Variants in CTXND1 observed in about 807,000 individuals in gnomAD.
CTXND1 encodes cortexin domain-containing 1 protein.
chr15:80,221,113 G>T (rs772498346), intron 1 of CTXND1, among the ~76,000 whole-genome samples: 17 of 151,930 alleles, frequency 1.1e-4, no homozygotes, highest in Non-Finnish European at 1.9e-4. Context: ...GTTTCACCAT[G>T]TTAGCCAGGA....
At chr15:80,248,310 T>C (rs1173720192) in intron 1 of CTXND1, among the ~76,000 whole-genome samples, 3 of 152,190 alleles carry the variant, frequency 2.0e-5, no homozygotes, top group Admixed American at 6.5e-5. Flanking sequence ...GCGTCTGATG[T>C]GGGGAATCTT....
intron 1 of CTXND1, among the ~76,000 whole-genome samples, chr15:80,211,715 A>G (rs1893206207): frequency 6.6e-6 from 1 of 152,250 alleles, no homozygotes; most frequent in African/African-American, 2.4e-5. Flanking sequence ...GTATGAGCTA[A>G]CACCATTTTA....
In CTXND1 at chr15:80,196,924, C is replaced by A. The variant is rs2041423230; in HGVS notation, c.*4846G>T. Reference sequence around the variant, plus strand: ...GGGTGCAGGAGTTTTGATCCTCTAGCTGTGGCCAGGGCTTCCATTGGGTGA... The same window carrying A: ...GGGTGCAGGAGTTTTGATCCTCTAGATGTGGCCAGGGCTTCCATTGGGTGA... On this transcript the variant is annotated 3_prime_UTR_variant, in exon 3 of 3. Transcript: ENST00000560778. The A allele has an allele frequency of 6.6e-6, 1 of 152,344 alleles. No homozygotes were observed. The highest frequency in any genetic ancestry group is 1.5e-5 in the Non-Finnish European group (1 of 68,174). The allele number at this position is 152,344 out of a possible 1,614,324, so 9.4% of individuals were successfully genotyped here.
At position 80,200,610 on chromosome 15, in the gene CTXND1, C is replaced by T. The variant is rs1392993617; in HGVS notation, c.*1160G>A. The T allele has an allele frequency of 1.3e-5, 2 of 152,148 alleles. No homozygotes were observed. The highest frequency in any genetic ancestry group is 3.8e-4 in the East Asian group (2 of 5,196). 9.4% of individuals were successfully genotyped at this position (152,148 alleles called of 1,614,324 possible). On this transcript the variant is annotated 3_prime_UTR_variant, in exon 3 of 3. Coordinates refer to ENST00000560778, the MANE Select transcript of CTXND1 (RefSeq NM_001352888.2). ...ATATTCACTCCCCTTTCTGTCCTTT[C>T]GTTCACATGAGGTATATGCAAAAAA...
chr15:80,207,647 T>G (rs1322937598), intron 1 of CTXND1, among the ~76,000 whole-genome samples: 2 of 152,220 alleles, frequency 1.3e-5, no homozygotes, highest in Admixed American at 6.5e-5. Flanking sequence ...TGTAAAACAT[T>G]GCAGTAGCTC....
At chr15:80,240,953 C>T (rs181620515) in intron 1 of CTXND1, among the ~76,000 whole-genome samples, 3 of 152,286 alleles carry the variant, frequency 2.0e-5, no homozygotes, top group Admixed American at 6.5e-5. Flanking sequence ...GGGACCCACT[C>T]GGGAGACAAG....
chr15:80,229,263 G>T (rs1893403977), intron 1 of CTXND1, among the ~76,000 whole-genome samples: 1 of 152,164 alleles, frequency 6.6e-6, no homozygotes, highest in South Asian at 2.1e-4. Flanking sequence ...GGGTTTCTGG[G>T]TCTTTTACAT....
chr15:80,244,849 C>T (rs1223613596), intron 1 of CTXND1, among the ~76,000 whole-genome samples: 1 of 152,156 alleles, frequency 6.6e-6, no homozygotes, highest in East Asian at 1.9e-4. Flanking sequence ...CTATCAGGTA[C>T]ACAATCTCAT....
At chr15:80,235,519 C>T (rs1162458623) in intron 1 of CTXND1, among the ~76,000 whole-genome samples, 1 of 152,152 alleles carries the variant, frequency 6.6e-6, no homozygotes, top group Non-Finnish European at 1.5e-5. Flanking sequence ...AGCAAGCATA[C>T]TGGGAGTGGC....
intron 1 of CTXND1, among the ~76,000 whole-genome samples, chr15:80,208,606 A>G (rs1271963168): frequency 6.6e-6 from 1 of 152,162 alleles, no homozygotes; most frequent in Non-Finnish European, 1.5e-5. Context: ...AAATCCTTAC[A>G]TTGTAACTCC....
chr15:80,215,617 T>TCA (rs1893245069), intron 1 of CTXND1, among the ~76,000 whole-genome samples: 1 of 152,150 alleles, frequency 6.6e-6, no homozygotes, highest in African/African-American at 2.4e-5. Flanking sequence ...AGTTCCAATG[T>TCA]CACAGCTTTT....
At chr15:80,241,282 C>T (rs981926551) in intron 1 of CTXND1, among the ~76,000 whole-genome samples, 9 of 152,160 alleles carry the variant, frequency 5.9e-5, no homozygotes, top group African/African-American at 1.9e-4. Context: ...GCACCATTGT[C>T]TGAGAAGGAT....
intron 1 of CTXND1, among the ~76,000 whole-genome samples, chr15:80,231,925 G>T (rs1893436460): frequency 6.6e-6 from 1 of 152,138 alleles, no homozygotes; most frequent in African/African-American, 2.4e-5. Flanking sequence ...GACTGTTATG[G>T]TTATTAAGGC....
intron 1 of CTXND1, among the ~76,000 whole-genome samples, chr15:80,221,064 A>G (rs1011946458): frequency 5.9e-5 from 9 of 151,696 alleles, no homozygotes; most frequent in Admixed American, 1.3e-4. Flanking sequence ...ACCCGCCACC[A>G]CGCTCGACTA....
intron 1 of CTXND1, among the ~76,000 whole-genome samples, chr15:80,233,527 C>T (rs755752541): frequency 2.7e-4 from 41 of 152,230 alleles, no homozygotes; most frequent in Admixed American, 7.2e-4. Context: ...GTGGCTTCCA[C>T]AGAAAATAGC....
intron 1 of CTXND1, among the ~76,000 whole-genome samples, chr15:80,250,897 G>A (rs1893685757): frequency 6.6e-6 from 1 of 152,208 alleles, no homozygotes; most frequent in African/African-American, 2.4e-5. Context: ...TAATGAGGGT[G>A]AGGGAAGTAT....
At chr15:80,213,876 T>C (rs886279524) in intron 1 of CTXND1, among the ~76,000 whole-genome samples, 18 of 152,270 alleles carry the variant, frequency 1.2e-4, no homozygotes, top group African/African-American at 4.3e-4. Context: ...TATACCTGTC[T>C]GAGATACGCA....
chr15:80,221,822 C>A (rs2028119), intron 1 of CTXND1, among the ~76,000 whole-genome samples: 89,308 of 152,016 alleles, frequency 0.59, 27,039 homozygotes, highest in East Asian at 0.77. Flanking sequence ...AACTGCTATT[C>A]ATTTCTATGT....
intron 1 of CTXND1, among the ~76,000 whole-genome samples, chr15:80,241,913 C>T (rs1893572211): frequency 6.6e-6 from 1 of 152,210 alleles, no homozygotes; most frequent in Non-Finnish European, 1.5e-5. Context: ...TAAGCCCTTT[C>T]CCCTGCCTGA....
Sources: allele counts gnomAD v4.1 joint callset (sites outside exome capture counted in the v4.1 genomes callset), GRCh38; gene constraint gnomAD v4.1.1; transcripts MANE v1.5; gene names NCBI Gene and HGNC (gene_info 2026-07-23, HGNC 2026-07-21).